OPCML: variants seen among roughly 807,000 people sequenced by gnomAD.
OPCML encodes the protein opioid-binding protein/cell adhesion molecule.
In OPCML, 13 loss-of-function variants were observed where a neutral mutation model predicts 37.8. The observed-to-expected ratio is 0.34, with a 90% confidence interval of 0.22 to 0.55. The LOEUF (loss-of-function observed/expected upper bound fraction) is 0.55, where lower values mean the gene tolerates loss of function less well. OPCML is among the 20% of genes least tolerant of loss of function. The pLI, the probability that OPCML is intolerant of heterozygous loss-of-function variation, is 0.91. For synonymous variants in OPCML, 176 were observed against 168.8 expected, an observed-to-expected ratio of 1.04 and a Z score of -0.33; for missense variants, 341 against 435.6, an observed-to-expected ratio of 0.78 and a Z score of 1.93.
intron 1 of OPCML, among the ~76,000 whole-genome samples, chr11:133,146,060 C>T (rs888875817): frequency 5.9e-5 from 9 of 152,152 alleles, no homozygotes; most frequent in Admixed American, 2.0e-4. Flanking sequence ...AAGCGAGGGA[C>T]TAGAGTTCTA....
chr11:133,433,669 C>G (rs918119933), intron 1 of OPCML, among the ~76,000 whole-genome samples: 1 of 152,146 alleles, frequency 6.6e-6, no homozygotes. Context: ...TTAAGGATCC[C>G]AAGAAGCCTC....
At chr11:133,035,323 C>G (rs918028933) in intron 1 of OPCML, among the ~76,000 whole-genome samples, 1 of 152,178 alleles carries the variant, frequency 6.6e-6, no homozygotes, top group Admixed American at 6.5e-5. Context: ...TCATGGATCT[C>G]TCCAACAAAC....
intron 1 of OPCML, among the ~76,000 whole-genome samples, chr11:133,296,634 C>G (rs1371342062): frequency 2.6e-5 from 4 of 152,158 alleles, no homozygotes; most frequent in Admixed American, 6.5e-5. Context: ...CCAACTCCTG[C>G]GTAGAAGCGT....
intron 2 of OPCML, among the ~76,000 whole-genome samples, chr11:132,684,816 G>A (rs1943101112): frequency 1.3e-5 from 2 of 152,178 alleles, no homozygotes; most frequent in Non-Finnish European, 1.5e-5. Context: ...GGTCACTGTT[G>A]TAAGATGATC....
chr11:133,198,952 A>G (rs1281641153), intron 1 of OPCML, among the ~76,000 whole-genome samples: 1 of 152,266 alleles, frequency 6.6e-6, no homozygotes, highest in Non-Finnish European at 1.5e-5. Context: ...GGGAAGGTAC[A>G]TAACTCAAAG....
intron 1 of OPCML, among the ~76,000 whole-genome samples, chr11:132,961,551 A>G (rs1946094132): frequency 6.6e-6 from 1 of 152,202 alleles, no homozygotes; most frequent in Non-Finnish European, 1.5e-5. Context: ...TGTGAGATGT[A>G]ATTCTATTAC....
intron 2 of OPCML, among the ~76,000 whole-genome samples, chr11:132,856,625 C>A (rs1942068491): frequency 1.3e-5 from 2 of 152,142 alleles, no homozygotes; most frequent in South Asian, 4.1e-4. Flanking sequence ...CACTATGAGG[C>A]AAAATGGCAG....
At chr11:133,029,471 G>A (rs898377639) in intron 1 of OPCML, among the ~76,000 whole-genome samples, 8 of 152,110 alleles carry the variant, frequency 5.3e-5, no homozygotes, top group South Asian at 2.1e-4. Context: ...AATCAACCTC[G>A]GTGCCCAGCA....
chr11:133,334,943 C>A (rs1357013845), intron 1 of OPCML, among the ~76,000 whole-genome samples: 1 of 152,172 alleles, frequency 6.6e-6, no homozygotes, highest in Non-Finnish European at 1.5e-5. Context: ...CTGGTGCGCT[C>A]CATGGAAGCA....
chr11:133,415,637 C>A (rs1037479890), intron 1 of OPCML, among the ~76,000 whole-genome samples: 1 of 152,146 alleles, frequency 6.6e-6, no homozygotes, highest in Non-Finnish European at 1.5e-5. Context: ...ATCCCCGGAA[C>A]CTGTGCATGT....
intron 3 of OPCML, among the ~76,000 whole-genome samples, chr11:132,563,641 C>G (rs1356389446): frequency 6.6e-6 from 1 of 151,770 alleles, no homozygotes; most frequent in Admixed American, 6.6e-5. Flanking sequence ...TTTATTTCAC[C>G]TTTTCCTCCC....
intron 4 of OPCML, among the ~76,000 whole-genome samples, chr11:132,481,286 A>G (rs2096179505): frequency 6.6e-6 from 1 of 152,172 alleles, no homozygotes; most frequent in South Asian, 2.1e-4. Context: ...CTGATAAAAC[A>G]GACTTTAAAC....
intron 4 of OPCML, among the ~76,000 whole-genome samples, chr11:132,438,014 T>C (rs748277905): frequency 1.3e-5 from 2 of 152,254 alleles, no homozygotes; most frequent in Non-Finnish European, 2.9e-5. Flanking sequence ...AAATGCTGGA[T>C]CTGTGGTTGC....
intron 1 of OPCML, among the ~76,000 whole-genome samples, chr11:133,137,982 C>T: frequency 6.6e-6 from 1 of 152,186 alleles, no homozygotes; most frequent in African/African-American, 2.4e-5. Flanking sequence ...TTTGAATGTG[C>T]TTTACCCCCA....
intron 1 of OPCML, among the ~76,000 whole-genome samples, chr11:133,307,409 T>A (rs900318941): frequency 1.3e-5 from 2 of 152,324 alleles, no homozygotes; most frequent in East Asian, 1.9e-4. Flanking sequence ...TGCTGTATTA[T>A]GTTACAAAAT....
At position 133,208,086 on chromosome 11, in the gene OPCML, T is replaced by TTC. The variant is rs1461757611; in HGVS notation, c.62-265078_62-265077dup. On this transcript the variant is annotated intron_variant, in intron 1 of 7. Transcript: ENST00000524381. This position sits in a 1 kb window ranked among gnomAD's most constrained non-coding sequence, Gnocchi z 8.9. ...TCTGAGCTCCCATAGCATTATTTTT[T>TTC]TCTCTCTTCAGAGCATCTACCATGA... Among the ~76,000 whole-genome samples the TTC allele has an allele frequency of 6.6e-6, 1 of 152,200 alleles. No homozygotes were observed. Among genetic ancestry groups the TTC allele is most frequent in the African/African-American group, 2.4e-5 (1 of 41,452 alleles).
chr11:132,421,584 A>G (rs1389089484), intron 7 of OPCML, among the ~76,000 whole-genome samples: 1 of 152,208 alleles, frequency 6.6e-6, no homozygotes, highest in African/African-American at 2.4e-5. Context: ...GTTCCTCTCC[A>G]CTAATCTTAA....
chr11:132,646,594 G>A (rs769565262), intron 3 of OPCML, among the ~76,000 whole-genome samples: 1 of 152,188 alleles, frequency 6.6e-6, no homozygotes, highest in Non-Finnish European at 1.5e-5. Context: ...GCACTTTGAA[G>A]GTAGTGGTTG....
chr11:133,462,623 C>A (rs1946882435), intron 1 of OPCML, among the ~76,000 whole-genome samples: 1 of 152,060 alleles, frequency 6.6e-6, no homozygotes, highest in Non-Finnish European at 1.5e-5. Flanking sequence ...ATCAAAACCA[C>A]AATAGGATAT....
Sources: gnomAD v4.1 joint callset for allele counts (sites outside exome capture counted in the v4.1 genomes callset) on GRCh38, gnomAD v4.1.1 for gene constraint, Gnocchi (gnomAD v3.1) non-coding constraint, MANE v1.5 for transcripts, NCBI Gene and HGNC (gene_info 2026-07-23, HGNC 2026-07-21) for gene names.